Variants in DCP1B observed in about 807,000 individuals in gnomAD.
DCP1B encodes decapping mRNA 1B, also known as mRNA-decapping enzyme 1B.
DCP1B carries 47 observed loss-of-function variants against 60.5 expected under a neutral mutation model. The observed-to-expected ratio is 0.78, with a 90% CI of 0.61 to 0.99. The LOEUF (loss-of-function observed/expected upper bound fraction) is 0.99. DCP1B is among the 50% of genes least tolerant of loss of function. DCP1B has a pLI of 0.00. For missense variants in DCP1B, 725 were observed against 756.8 expected, an observed-to-expected ratio of 0.96 and a Z score of 0.49; for synonymous variants, 267 against 280.3, an observed-to-expected ratio of 0.95 and a Z score of 0.47.
At chr12:1,944,289 C>T (rs1219875770), downstream of DCP1B, among the ~76,000 whole-genome samples, 2 of 152,120 alleles carry the variant, frequency 1.3e-5, no homozygotes, top group Non-Finnish European at 2.9e-5. Context: ...AGAGAGGACA[C>T]AAAGAAATGG....
chr12:1,951,023 G>A (rs1409470746), intron 7 of DCP1B, among the ~76,000 whole-genome samples: 2 of 152,160 alleles, frequency 1.3e-5, no homozygotes, highest in African/African-American at 2.4e-5. Context: ...TGTAATCCCA[G>A]CACTCTGAGA....
In DCP1B at chr12:1,946,066, C is replaced by A; in HGVS notation, c.*140G>T. On this transcript the variant is annotated 3_prime_UTR_variant, in exon 9 of 9. Transcript: ENST00000280665. ...AAAACACTTGAGTATAAAAAAAAGT[C>A]TGAAACATTTTACTTCATATTACAC... is the stretch of plus-strand genomic sequence containing the variant. The A allele has an allele frequency of 4.9e-6, 3 of 606,522 alleles. No homozygotes were observed. Among genetic ancestry groups the A allele is most frequent in the East Asian group, 3.1e-5 (1 of 32,014 alleles). The allele number at this position is 606,522 out of a possible 1,614,324, so 37.6% of individuals were successfully genotyped here.
intron 5 of DCP1B, among the ~76,000 whole-genome samples, chr12:1,960,226 C>A (rs1357590168): frequency 1.3e-5 from 2 of 152,196 alleles, no homozygotes; most frequent in Non-Finnish European, 2.9e-5. Flanking sequence ...GAAGGAAATT[C>A]TGTCATTTGC....
chr12:1,941,694 A>C (rs537454623), downstream of DCP1B, among the ~76,000 whole-genome samples: 202 of 152,146 alleles, frequency 1.3e-3, 2 homozygotes, highest in African/African-American at 4.8e-3. Flanking sequence ...CCTTTTTGTT[A>C]ATGTTGATGG....
At chr12:1,999,042 T>C (rs2041579043) in intron 1 of DCP1B, among the ~76,000 whole-genome samples, 2 of 152,386 alleles carry the variant, frequency 1.3e-5, no homozygotes, top group African/African-American at 4.8e-5. Context: ...TCATTCACTT[T>C]AGTTCAGTGG....
chr12:1,949,401 G>T, intron 7 of DCP1B, 67 bp from the exon 8 acceptor site: 5 of 1,584,372 alleles, frequency 3.2e-6, no homozygotes, highest in Non-Finnish European at 4.3e-6. Flanking sequence ...AGCTTGCAGC[G>T]GCAGATACGG....
At chr12:2,001,091 G>GA (rs990189344) in intron 1 of DCP1B, among the ~76,000 whole-genome samples, 1 of 151,418 alleles carries the variant, frequency 6.6e-6, no homozygotes, top group African/African-American at 2.4e-5. Flanking sequence ...ATCTTTTGAT[G>GA]AAAAAACGTC....
chr12:1,954,959 G>A (rs2030826588), intron 6 of DCP1B, among the ~76,000 whole-genome samples: 1 of 152,158 alleles, frequency 6.6e-6, no homozygotes, highest in Admixed American at 6.5e-5. Context: ...AAACTCCTAA[G>A]CTCAAGGGAT....
rs141975320 is a variant in DCP1B at position 2,001,583 on chromosome 12, G to A, written c.150+2699C>T. Among the ~76,000 whole-genome samples, 887 of 152,260 alleles carry A rather than the reference G, an allele frequency of 5.8e-3. 7 individuals are homozygous for A. The highest frequency in any genetic ancestry group is 0.02 in the African/African-American group (844 of 41,534). ...TATTCTCAGTTAAAATAATCAAAAA[G>A]TAGGTCTCAACTTATCCTCCCAAAT... On this transcript the variant is annotated intron_variant, in intron 1 of 8. Coordinates refer to ENST00000280665, the MANE Select transcript of DCP1B (RefSeq NM_152640.5).
chr12:1,973,108 C>T (rs2033062008), intron 3 of DCP1B, among the ~76,000 whole-genome samples: 1 of 152,212 alleles, frequency 6.6e-6, no homozygotes, highest in Non-Finnish European at 1.5e-5. Context: ...TCTGCGTTAG[C>T]TTTACTGACC....
At chr12:1,958,898 A>G (rs2031012514) in intron 5 of DCP1B, among the ~76,000 whole-genome samples, 2 of 101,012 alleles carry the variant, frequency 2.0e-5, no homozygotes, top group African/African-American at 8.8e-5. Flanking sequence ...GAAACAGGGG[A>G]AAAGCTCCCC....
intron 8 of DCP1B, among the ~76,000 whole-genome samples, chr12:1,946,674 G>A (rs969081135): frequency 3.3e-5 from 5 of 152,156 alleles, no homozygotes; most frequent in Non-Finnish European, 7.4e-5. Flanking sequence ...TTGGTTAAGA[G>A]ATTGCTGTGG....
chr12:1,961,935 G>A (rs561036172), intron 5 of DCP1B, among the ~76,000 whole-genome samples: 1 of 152,268 alleles, frequency 6.6e-6, no homozygotes, highest in South Asian at 2.1e-4. Context: ...CTCAAGTGAG[G>A]CCAGAGAGGA....
intron 3 of DCP1B, among the ~76,000 whole-genome samples, chr12:1,974,319 C>T (rs73597529): frequency 0.16 from 25,084 of 152,080 alleles, 2,134 homozygotes; most frequent in East Asian, 0.21. Flanking sequence ...CTCATATCAC[C>T]GCTTTTGTTC....
At chr12:1,953,425 A>G (rs1186008534) in intron 6 of DCP1B, 137 bp from the exon 7 acceptor site, 1 of 1,118,516 alleles carries the variant, frequency 8.9e-7, no homozygotes, top group Non-Finnish European at 1.2e-6. Flanking sequence ...TAATAATAAT[A>G]AACTTGAAAA....
chr12:2,000,335 C>T (rs2041899622), intron 1 of DCP1B, among the ~76,000 whole-genome samples: 1 of 152,176 alleles, frequency 6.6e-6, no homozygotes, highest in Admixed American at 6.5e-5. Context: ...CCTGGTCTTC[C>T]AGTATCTGAC....
chr12:1,955,692 A>G (rs1261169866), intron 5 of DCP1B, 132 bp from the exon 6 acceptor site: 19 of 1,057,990 alleles, frequency 1.8e-5, no homozygotes, highest in Non-Finnish European at 2.3e-5. Context: ...ACAAAGGAAA[A>G]TCCCTTAAAT....
chr12:1,946,155 G>C lies in DCP1B; in HGVS notation c.*51C>G. The C allele has an allele frequency of 7.3e-7, 1 of 1,362,670 alleles. No individual in the cohort carries two copies. The allele number at this position is 1,362,670 out of a possible 1,614,324, so 84.4% of individuals were successfully genotyped here. ...ACAACACTCAACATGAAAGAACCTT[G>C]TGCCGGAGTTCTAGAAGGACCTTGA... On this transcript the variant is annotated 3_prime_UTR_variant, in exon 9 of 9. Transcript: ENST00000280665.
At chr12:1,969,793 A>G (rs1356410429) in intron 3 of DCP1B, among the ~76,000 whole-genome samples, 1 of 152,060 alleles carries the variant, frequency 6.6e-6, no homozygotes, top group Non-Finnish European at 1.5e-5. Flanking sequence ...ACGTTCAACC[A>G]CTTAATAAAT....
Sources: allele counts gnomAD v4.1 joint callset (sites outside exome capture counted in the v4.1 genomes callset), GRCh38; gene constraint gnomAD v4.1.1; transcripts MANE v1.5; gene names NCBI Gene and HGNC (gene_info 2026-07-23, HGNC 2026-07-21).